Variants in PTCHD4 observed in about 807,000 individuals in gnomAD.
PTCHD4 encodes patched domain containing 4, also known as patched domain-containing protein 4.
In PTCHD4, 33 loss-of-function variants were observed where a neutral mutation model predicts 58.1. The observed-to-expected ratio is 0.57, with a 90% CI of 0.43 to 0.76. The LOEUF is 0.76. PTCHD4 is among the 30% of genes least tolerant of loss of function. PTCHD4 has a pLI of 0.00. For missense variants in PTCHD4, 1,058 were observed against 1,027.1 expected, an observed-to-expected ratio of 1.03 and a Z score of -0.41; for synonymous variants, 478 against 409.6, an observed-to-expected ratio of 1.17 and a Z score of -2.02.
chr6:47,921,829 A>G (rs986114839), intron 4 of PTCHD4, among the ~76,000 whole-genome samples: 1 of 151,960 alleles, frequency 6.6e-6, no homozygotes, highest in South Asian at 2.1e-4. Context: ...CTATTTTGGC[A>G]GCAAAATAGG....
chr6:48,021,757 A>T (rs974755385), intron 3 of PTCHD4, among the ~76,000 whole-genome samples: 1 of 151,996 alleles, frequency 6.6e-6, no homozygotes, highest in Admixed American at 6.6e-5. Flanking sequence ...TCTAATTTCT[A>T]TTTTGCTTTG....
chr6:48,030,839 GT>G (rs1171145002), intron 3 of PTCHD4, among the ~76,000 whole-genome samples: 1 of 152,044 alleles, frequency 6.6e-6, no homozygotes, highest in Non-Finnish European at 1.5e-5. Flanking sequence ...ATTAATCTTT[GT>G]TTTTCTTTAT....
At chr6:48,006,208 T>G (rs1187363110) in intron 4 of PTCHD4, among the ~76,000 whole-genome samples, 3 of 152,206 alleles carry the variant, frequency 2.0e-5, no homozygotes, top group Non-Finnish European at 4.4e-5. Flanking sequence ...GGTTTATTTA[T>G]GATTCTAAAA....
chr6:47,921,868 T>C (rs1217521146), intron 4 of PTCHD4, among the ~76,000 whole-genome samples: 1 of 151,052 alleles, frequency 6.6e-6, no homozygotes, highest in East Asian at 1.9e-4. Flanking sequence ...TCCAGCACTT[T>C]GGGAGGCTGA....
chr6:47,899,656 G>C (rs977563777), intron 4 of PTCHD4: 26 of 653,572 alleles, frequency 4.0e-5, no homozygotes, highest in Non-Finnish European at 4.7e-5. Flanking sequence ...GCAATTCATT[G>C]ATTAAAAGTG....
chr6:48,062,144 A>G (rs1297063860), intron 3 of PTCHD4, among the ~76,000 whole-genome samples: 1 of 152,254 alleles, frequency 6.6e-6, no homozygotes, highest in Non-Finnish European at 1.5e-5. Flanking sequence ...TATTTTGAAA[A>G]ATGCAACATA....
chr6:48,001,367 G>A (rs928058373), intron 4 of PTCHD4, among the ~76,000 whole-genome samples: 3 of 152,120 alleles, frequency 2.0e-5, no homozygotes, highest in African/African-American at 7.2e-5. Context: ...TATACTACAA[G>A]GCTACAGTAA....
At chr6:47,999,211 AG>A (rs377301255) in intron 4 of PTCHD4, among the ~76,000 whole-genome samples, 45 of 152,332 alleles carry the variant, frequency 3.0e-4, no homozygotes, top group African/African-American at 8.9e-4. Flanking sequence ...AAGGAGGCCC[AG>A]GGACAAGACA....
chr6:47,902,009 G>A, intron 4 of PTCHD4: 1 of 993,376 alleles, frequency 1.0e-6, no homozygotes, highest in Non-Finnish European at 1.4e-6. Flanking sequence ...TTCCCACTTA[G>A]TATAGTAAAA....
intron 4 of PTCHD4, among the ~76,000 whole-genome samples, chr6:47,916,422 A>G (rs1424424859): frequency 1.3e-5 from 2 of 152,064 alleles, no homozygotes; most frequent in Admixed American, 1.3e-4. Flanking sequence ...TACCACAACT[A>G]TTGAGGCTTC....
chr6:48,063,796 T>C (rs1344182492), intron 3 of PTCHD4, among the ~76,000 whole-genome samples: 2 of 152,192 alleles, frequency 1.3e-5, no homozygotes, highest in Non-Finnish European at 2.9e-5. Context: ...TCCTGACATG[T>C]ATACCTTATA....
intron 3 of PTCHD4, among the ~76,000 whole-genome samples, chr6:48,020,818 T>C (rs1392218406): frequency 6.6e-6 from 1 of 152,120 alleles, no homozygotes; most frequent in Non-Finnish European, 1.5e-5. Context: ...TAAATGTATA[T>C]ATATATAAAT....
chr6:47,893,314 A>C (rs148681192), intron 4 of PTCHD4, among the ~76,000 whole-genome samples: 3 of 152,258 alleles, frequency 2.0e-5, no homozygotes, highest in Non-Finnish European at 4.4e-5. Flanking sequence ...CAGGTTGTAG[A>C]GATTTTTCTA....
intron 4 of PTCHD4, among the ~76,000 whole-genome samples, chr6:48,006,171 C>T (rs1762429810): frequency 6.6e-6 from 1 of 152,126 alleles, no homozygotes; most frequent in South Asian, 2.1e-4. Context: ...AAGCAGTCTT[C>T]CTAAAGTCTG....
intron 4 of PTCHD4, among the ~76,000 whole-genome samples, chr6:48,000,374 A>C (rs1768675981): frequency 6.6e-6 from 1 of 152,090 alleles, no homozygotes; most frequent in South Asian, 2.1e-4. Flanking sequence ...ATTAAATTCA[A>C]CTCAACACCT....
At position 47,878,683 on chromosome 6, in the gene PTCHD4, T is replaced by C. The variant is rs1247770802; in HGVS notation, c.2152A>G (p.Thr718Ala). 1 of 1,613,490 alleles carries C rather than the reference T, an allele frequency of 6.2e-7. No homozygotes were observed. Among genetic ancestry groups the C allele is most frequent in the Admixed American group, 1.7e-5 (1 of 59,876 alleles). Residue 718 changes from threonine (T) to alanine (A), a missense_variant, in exon 5 of 5, where the codon ACC becomes GCC. Transcript: ENST00000339488. ...DCISILCLIY[T>A]LNFAIDHCAP... is the part of the protein sequence containing the mutation. ...CAGTGGTCAATGGCGAAATTCAAGGTGTAGATAAGGCACAAGATAGAAATG... is the reference window on the plus strand; with the variant it reads ...CAGTGGTCAATGGCGAAATTCAAGGCGTAGATAAGGCACAAGATAGAAATG...
chr6:47,876,533 A>G lies in PTCHD4; in HGVS notation c.*1770T>C, dbSNP rs1763852731. Among the ~76,000 whole-genome samples the G allele has an allele frequency of 6.6e-6, 1 of 152,016 alleles. No homozygotes were observed. The highest frequency in any genetic ancestry group is 1.5e-5 in the Non-Finnish European group (1 of 67,972). On this transcript the variant is annotated 3_prime_UTR_variant, in exon 5 of 5. Coordinates refer to ENST00000339488, the MANE Select transcript of PTCHD4 (RefSeq NM_001384253.1). ...TCTATCAACTTCATTTCCAGAGACTATAACGAGAATGGAATGGTTTGTACC... is the reference window on the plus strand; with the variant it reads ...TCTATCAACTTCATTTCCAGAGACTGTAACGAGAATGGAATGGTTTGTACC...
At position 48,068,940 on chromosome 6, in the gene PTCHD4, C is replaced by T. The variant is rs1028632021; in HGVS notation, c.5+13G>A. On this transcript the variant is annotated intron_variant, in intron 2 of 4. Coordinates refer to ENST00000339488, the MANE Select transcript of PTCHD4 (RefSeq NM_001384253.1). This position sits in a 1 kb window ranked among gnomAD's most constrained non-coding sequence, Gnocchi z 4.2. ...CTCCCCGCGCCCTCGCCGCCTCCCG[C>T]GCTGGCTCTCACCGCATGAGCAGCG... 2.0e-5 allele frequency among the ~76,000 whole-genome samples: 3 copies of T among 151,610 alleles called. No individual in the cohort carries two copies. Among genetic ancestry groups the T allele is most frequent in the Admixed American group, 6.6e-5 (1 of 15,244 alleles).
At chr6:48,064,331 C>T (rs1299696710) in intron 3 of PTCHD4, among the ~76,000 whole-genome samples, 3 of 151,922 alleles carry the variant, frequency 2.0e-5, no homozygotes, top group South Asian at 2.1e-4. Context: ...GTTATGTTGG[C>T]CTACCTAAAA....
Sources: gnomAD v4.1 joint callset for allele counts (sites outside exome capture counted in the v4.1 genomes callset) on GRCh38, gnomAD v4.1.1 for gene constraint, Gnocchi (gnomAD v3.1) non-coding constraint, MANE v1.5 for transcripts, NCBI Gene and HGNC (gene_info 2026-07-23, HGNC 2026-07-21) for gene names.